Variants in NRG3 observed in about 807,000 individuals in gnomAD.
The protein encoded by NRG3 is pro-neuregulin-3, membrane-bound isoform.
A neutral mutation model predicts 66.9 loss-of-function variants in NRG3; 31 were observed. The observed-to-expected ratio is 0.46, with a 90% confidence interval of 0.35 to 0.63. The LOEUF is 0.63. Ranked by LOEUF, NRG3 falls within the 20% of genes least tolerant of loss-of-function variation. The probability of loss-of-function intolerance (pLI) is 0.00; values close to 1 mark genes in which losing one functional copy is unlikely to be tolerated. For synonymous variants in NRG3, 393 were observed against 359.4 expected (o/e 1.09, Z -1.06); for missense variants, 910 against 878.9 (o/e 1.04, Z -0.45).
chr10:82,233,942 G>C (rs897886104), intron 1 of NRG3, among the ~76,000 whole-genome samples: 4 of 152,054 alleles, frequency 2.6e-5, no homozygotes, highest in African/African-American at 9.7e-5. Context: ...CCTGCACCAA[G>C]CAAGCCGCTT....
At position 82,220,837 on chromosome 10, in the gene NRG3, A is replaced by G. The variant is rs1162134173; in HGVS notation, c.824-137902A>G. 8.5e-5 allele frequency among the ~76,000 whole-genome samples: 13 copies of G among 152,146 alleles called. 1 individual carries two copies. Among genetic ancestry groups the G allele is most frequent in the Admixed American group, 8.5e-4 (13 of 15,268 alleles). On this transcript the variant is annotated intron_variant, in intron 1 of 8. Coordinates refer to ENST00000372141, the MANE Select transcript of NRG3 (RefSeq NM_001010848.4). The stretch of plus-strand genomic sequence containing the variant: ...AGTGAAATCCTATCTCTACAAAAAA[A>G]TATTTAAAAATTAGTCAGGAATGAT...
chr10:82,256,888 G>A (rs2077756320), intron 1 of NRG3, among the ~76,000 whole-genome samples: 1 of 152,142 alleles, frequency 6.6e-6, no homozygotes. Flanking sequence ...ATGATGAGAG[G>A]CATGTTTTTC....
chr10:82,352,669 G>T (rs2083506718), intron 1 of NRG3, among the ~76,000 whole-genome samples: 1 of 152,336 alleles, frequency 6.6e-6, no homozygotes, highest in Non-Finnish European at 1.5e-5. Context: ...GGGGGTGCAA[G>T]GTGGCAACCT....
rs147315994 is a variant in NRG3, at chr10:82,727,886, C to T, written c.954-10691C>T. 4.7e-3 allele frequency among the ~76,000 whole-genome samples: 710 copies of T among 152,306 alleles called. 3 individuals carry two copies. The highest frequency in any genetic ancestry group is 7.5e-3 in the Non-Finnish European group (513 of 68,036). Reference sequence around the variant, plus strand: ...TGCCCAAGACCATAGGAACCCACCTCTCACATCATTGTGACCCAGATGAGA... The same window carrying T: ...TGCCCAAGACCATAGGAACCCACCTTTCACATCATTGTGACCCAGATGAGA... On this transcript the variant is annotated intron_variant, in intron 2 of 8. Transcript: ENST00000372141.
chr10:82,448,810 C>G (rs760153756), intron 2 of NRG3, among the ~76,000 whole-genome samples: 1 of 152,034 alleles, frequency 6.6e-6, no homozygotes, highest in Non-Finnish European at 1.5e-5. Flanking sequence ...ACATAATTGT[C>G]TATAATTCAG....
chr10:82,842,506 A>T (rs1032849792), intron 3 of NRG3, among the ~76,000 whole-genome samples: 1 of 152,172 alleles, frequency 6.6e-6, no homozygotes, highest in African/African-American at 2.4e-5. Flanking sequence ...TGGTAAATAT[A>T]GTCTTCCTGT....
At chr10:82,591,854 T>C (rs79770025) in intron 2 of NRG3, among the ~76,000 whole-genome samples, 4,697 of 152,296 alleles carry the variant, frequency 0.031, 251 homozygotes, top group African/African-American at 0.11. Flanking sequence ...ATTCATTCAG[T>C]TACTTCTATC....
chr10:82,519,986 T>G (rs1846041369), intron 2 of NRG3, among the ~76,000 whole-genome samples: 1 of 152,122 alleles, frequency 6.6e-6, no homozygotes, highest in African/African-American at 2.4e-5. Context: ...GAAAAATGTT[T>G]AGGGCTTTGC....
At chr10:82,015,862 A>G (rs753515689) in intron 1 of NRG3, among the ~76,000 whole-genome samples, 1 of 151,758 alleles carries the variant, frequency 6.6e-6, no homozygotes, top group Non-Finnish European at 1.5e-5. Flanking sequence ...TAATACCTAC[A>G]TCATAGAAGT....
At chr10:82,409,893 A>AT (rs1362722249) in intron 2 of NRG3, among the ~76,000 whole-genome samples, 1 of 152,148 alleles carries the variant, frequency 6.6e-6, no homozygotes, top group Non-Finnish European at 1.5e-5. Flanking sequence ...CAGCCAAAGC[A>AT]TCTACATGTG....
intron 1 of NRG3, among the ~76,000 whole-genome samples, chr10:82,145,245 T>C (rs1207278182): frequency 6.6e-6 from 1 of 152,202 alleles, no homozygotes; most frequent in East Asian, 1.9e-4. Flanking sequence ...TGAAATGCCA[T>C]TTCTGCTGAC....
chr10:82,120,277 T>C (rs2068000624), intron 1 of NRG3, among the ~76,000 whole-genome samples: 1 of 152,132 alleles, frequency 6.6e-6, no homozygotes, highest in South Asian at 2.1e-4. Flanking sequence ...TGGAAAGAGA[T>C]GACTCAGCCT....
rs566753147 is a variant in NRG3, at chr10:82,877,282, G to A, written c.1054+11845G>A. ...GCCAGTCAGAATGTGTTGAGCCCCT[G>A]TGAGAGCTCAGGCCTTGTACCAGGC... On this transcript the variant is annotated intron_variant, in intron 4 of 8. Transcript: ENST00000372141. Among the ~76,000 whole-genome samples the A allele has an allele frequency of 2.0e-4, 30 of 151,704 alleles. No homozygotes were observed. In the South Asian group the frequency reaches 5.0e-3, roughly 25 times the overall value.
rs58870828 is a variant in NRG3, at chr10:82,660,196, C to CAAAAAA, written c.954-78347_954-78342dup. Reference sequence around the variant, plus strand: ...GGGCGACAAGAGCAAAACTCCCTCTCAAAAAAAAAAAAAAAAAAAAAAAAA... The same window carrying CAAAAAA: ...GGGCGACAAGAGCAAAACTCCCTCTCAAAAAAAAAAAAAAAAAAAAAAAAAAAAAAA... On this transcript the variant is annotated intron_variant, in intron 2 of 8. Transcript: ENST00000372141. Among the ~76,000 whole-genome samples the CAAAAAA allele has an allele frequency of 4.7e-3, 91 of 19,556 alleles. 9 individuals are homozygous for CAAAAAA. Among genetic ancestry groups the CAAAAAA allele is most frequent in the Non-Finnish European group, 6.9e-3 (71 of 10,360 alleles). The allele number at this position is 19,556 out of a possible 152,430, so 12.8% of individuals were successfully genotyped here.
At chr10:82,226,804 C>G (rs1248172913) in intron 1 of NRG3, among the ~76,000 whole-genome samples, 1 of 152,066 alleles carries the variant, frequency 6.6e-6, no homozygotes. Flanking sequence ...ATTCAAATTC[C>G]CCATCTATTG....
chr10:82,299,491 G>A (rs1036178961), intron 1 of NRG3, among the ~76,000 whole-genome samples: 5 of 151,924 alleles, frequency 3.3e-5, no homozygotes, highest in Admixed American at 2.6e-4. Flanking sequence ...ACGAGCCATA[G>A]CGAAGAGGCC....
intron 1 of NRG3, among the ~76,000 whole-genome samples, chr10:82,229,336 A>G (rs17095111): frequency 0.12 from 17,923 of 152,294 alleles, 1,307 homozygotes; most frequent in Admixed American, 0.21. Context: ...AAATTAAGCA[A>G]TAGACATTAA....
intron 2 of NRG3, among the ~76,000 whole-genome samples, chr10:82,381,952 A>G (rs1421010119): frequency 6.6e-6 from 1 of 152,136 alleles, no homozygotes; most frequent in Non-Finnish European, 1.5e-5. Context: ...GGTTTAAACC[A>G]TATTTGCTCT....
At chr10:82,504,557 C>G (rs1023421261) in intron 2 of NRG3, among the ~76,000 whole-genome samples, 3 of 152,180 alleles carry the variant, frequency 2.0e-5, no homozygotes, top group African/African-American at 7.2e-5. Context: ...AAGCCCAGTG[C>G]TTCCCACCAG....
Sources: allele counts gnomAD v4.1 joint callset (sites outside exome capture counted in the v4.1 genomes callset), GRCh38; gene constraint gnomAD v4.1.1; transcripts MANE v1.5; gene names NCBI Gene and HGNC (gene_info 2026-07-23, HGNC 2026-07-21).